Variants in SPATA9 observed in about 807,000 individuals in gnomAD.
SPATA9 encodes the protein spermatogenesis associated 9.
A neutral mutation model predicts 25.5 loss-of-function variants in SPATA9; 27 were observed. The ratio of observed to expected loss-of-function variants is 1.06; its 90% CI spans 0.78 to 1.46. The LOEUF is 1.46. Ranked by LOEUF, SPATA9 falls within the 40% of genes most tolerant of loss-of-function variation. The pLI, the probability that SPATA9 is intolerant of heterozygous loss-of-function variation, is 0.00. For synonymous variants in SPATA9, 102 were observed against 105.7 expected (o/e 0.97, Z 0.21); for missense variants, 282 against 297.5 (o/e 0.95, Z 0.38).
chr5:95,667,544 C>T (rs946819614), intron 3 of SPATA9, among the ~76,000 whole-genome samples: 5 of 151,988 alleles, frequency 3.3e-5, no homozygotes, highest in Non-Finnish European at 7.4e-5. Flanking sequence ...TGATAGCATG[C>T]CTTTGAATCC....
intron 1 of SPATA9, among the ~76,000 whole-genome samples, chr5:95,688,718 G>T (rs1400044112): frequency 6.6e-6 from 1 of 152,094 alleles, no homozygotes; most frequent in Non-Finnish European, 1.5e-5. Context: ...GACTCAGAAA[G>T]GTGAGAAGGT....
chr5:95,715,468 A>G, the SPATA9 span, among the ~76,000 whole-genome samples: 1 of 152,252 alleles, frequency 6.6e-6, no homozygotes, highest in Non-Finnish European at 1.5e-5. Context: ...CATGAAGTAG[A>G]TGACACTGCA....
rs1369461760 is a variant in SPATA9 at position 95,682,875 on chromosome 5, C to T, written c.-21G>A. On this transcript the variant is annotated 5_prime_UTR_variant, in exon 1 of 5. Coordinates refer to ENST00000274432, the MANE Select transcript of SPATA9 (RefSeq NM_031952.4). ...GGCATGGTGAGTTCTTGCTTGGGTT[C>T]CTAGTCCTTAACAAGCTTGCAGGCC... 80 of 1,502,486 alleles carry T rather than the reference C, an allele frequency of 5.3e-5. No homozygotes were observed. Among genetic ancestry groups the T allele is most frequent in the Non-Finnish European group, 6.9e-5 (78 of 1,128,846 alleles). The allele number at this position is 1,502,486 out of a possible 1,614,324, so 93.1% of individuals were successfully genotyped here.
chr5:95,707,595 A>T, the SPATA9 span, among the ~76,000 whole-genome samples: 1 of 152,170 alleles, frequency 6.6e-6, no homozygotes, highest in Non-Finnish European at 1.5e-5. Flanking sequence ...TAAGACTATT[A>T]CAAGGTGATA....
the SPATA9 span, chr5:95,731,551 G>T: frequency 6.9e-7 from 1 of 1,444,224 alleles, no homozygotes; most frequent in South Asian, 1.4e-5. Context: ...CGGCCCCGCC[G>T]CGGTGGAGGC....
At chr5:95,721,560 C>A in the SPATA9 span, among the ~76,000 whole-genome samples, 1 of 151,804 alleles carries the variant, frequency 6.6e-6, no homozygotes, top group East Asian at 1.9e-4. Flanking sequence ...GTAATGATTA[C>A]ACAAATGCAT....
chr5:95,700,369 A>T (rs1754148099), upstream of SPATA9, among the ~76,000 whole-genome samples: 1 of 151,858 alleles, frequency 6.6e-6, no homozygotes, highest in Non-Finnish European at 1.5e-5. Context: ...ATGCAATCTC[A>T]GCTCATTGCA....
chr5:95,704,788 A>C, the SPATA9 span, among the ~76,000 whole-genome samples: 1 of 152,232 alleles, frequency 6.6e-6, no homozygotes, highest in South Asian at 2.1e-4. Flanking sequence ...TTTTTTGAGG[A>C]TCAGTCTCCT....
At chr5:95,656,602 G>A, downstream of SPATA9, 6 of 197,010 alleles carry the variant, frequency 3.0e-5, no homozygotes, top group Admixed American at 1.2e-4. Flanking sequence ...ACAAATAATA[G>A]GTAAAAATTA....
the SPATA9 span, among the ~76,000 whole-genome samples, chr5:95,721,771 C>A: frequency 6.8e-6 from 1 of 147,102 alleles, no homozygotes; most frequent in East Asian, 2.0e-4. Flanking sequence ...GAGTAATCAG[C>A]AGGAAAAAAA....
intron 2 of SPATA9, among the ~76,000 whole-genome samples, chr5:95,681,509 C>T (rs776907699): frequency 2.0e-5 from 3 of 152,192 alleles, no homozygotes; most frequent in Non-Finnish European, 2.9e-5. Flanking sequence ...CTCTAAATTA[C>T]ATACAGAGAT....
chr5:95,689,003 A>G (rs1485730810), intron 1 of SPATA9, among the ~76,000 whole-genome samples: 1 of 152,232 alleles, frequency 6.6e-6, no homozygotes, highest in Non-Finnish European at 1.5e-5. Flanking sequence ...CAAGCACCGA[A>G]GACACATAAG....
chr5:95,699,447 A>G (rs576789987), upstream of SPATA9, among the ~76,000 whole-genome samples: 1 of 152,350 alleles, frequency 6.6e-6, no homozygotes, highest in Admixed American at 6.5e-5. Flanking sequence ...AATGGGAAAC[A>G]TTTACCAGGA....
At chr5:95,731,182 C>T in the SPATA9 span, 3 of 1,007,032 alleles carry the variant, frequency 3.0e-6, no homozygotes, top group East Asian at 1.1e-4. Flanking sequence ...CCGCCGCCAC[C>T]GGAGCTCCCG....
intron 3 of SPATA9, chr5:95,674,703 G>A (rs748596922): frequency 4.0e-5 from 18 of 451,704 alleles, no homozygotes; most frequent in Non-Finnish European, 7.5e-5. Flanking sequence ...CAGCCATGTC[G>A]GGAATCTCAA....
At chr5:95,652,550 C>T (rs1257550615), downstream of SPATA9, 2 of 493,634 alleles carry the variant, frequency 4.1e-6, no homozygotes, top group Admixed American at 3.8e-5. Context: ...GTCTTTGGCA[C>T]TACAGTTCAC....
chr5:95,673,273 G>T (rs1752589430), intron 3 of SPATA9, among the ~76,000 whole-genome samples: 1 of 152,142 alleles, frequency 6.6e-6, no homozygotes. Context: ...TTGCCCTAAG[G>T]AATTCAAGCT....
At chr5:95,723,721 T>C in the SPATA9 span, among the ~76,000 whole-genome samples, 2 of 152,190 alleles carry the variant, frequency 1.3e-5, no homozygotes, top group African/African-American at 2.4e-5. Context: ...TATCTCTCCT[T>C]TACTTCCTGT....
At chr5:95,690,874 T>C (rs1411552629) in intron 1 of SPATA9, among the ~76,000 whole-genome samples, 1 of 152,164 alleles carries the variant, frequency 6.6e-6, no homozygotes, top group African/African-American at 2.4e-5. Context: ...ACAAACAATA[T>C]TTCTGGTTTA....
Sources: gnomAD v4.1 joint callset for allele counts (sites outside exome capture counted in the v4.1 genomes callset) on GRCh38, gnomAD v4.1.1 for gene constraint, MANE v1.5 for transcripts, NCBI Gene and HGNC (gene_info 2026-07-23, HGNC 2026-07-21) for gene names.